The following EIF5 variants were observed in gnomAD, a reference collection of about 807,000 sequenced individuals.
EIF5 encodes eukaryotic translation initiation factor 5.
In EIF5, 10 loss-of-function variants were observed where a neutral mutation model predicts 48.3. The observed-to-expected ratio is 0.21, with a 90% CI of 0.13 to 0.35. EIF5 has a LOEUF of 0.35. EIF5 is among the 10% of genes least tolerant of loss of function. The pLI is 1.00. For missense variants in EIF5, 397 were observed against 533.2 expected, an observed-to-expected ratio of 0.74 and a Z score of 2.51; for synonymous variants, 237 against 173.1, an observed-to-expected ratio of 1.37 and a Z score of -2.90.
rs890761976 is a variant in EIF5, at chr14:103,343,602, A to T, written c.*2550A>T. ...TCTAATCCACCGCTTCCCGCTTGAG[A>T]AGGGAGGGGTATCAAAATTGAGCCC... On this transcript the variant is annotated 3_prime_UTR_variant, in exon 12 of 12. Transcript: ENST00000216554. 1 of 152,194 alleles carries T rather than the reference A, an allele frequency of 6.6e-6. No homozygotes were observed. Among genetic ancestry groups the T allele is most frequent in the African/African-American group, 2.4e-5 (1 of 41,444 alleles). The allele number at this position is 152,194 out of a possible 1,614,324, so 9.4% of individuals were successfully genotyped here.
At chr14:103,338,551 T>C in intron 7 of EIF5, 79 bp downstream of exon 7, 2 of 1,509,314 alleles carry the variant, frequency 1.3e-6, no homozygotes, top group South Asian at 1.3e-5. Context: ...GGTGGAAATG[T>C]TGAAACTAGC....
At chr14:103,339,566 C>CT (rs1471872564) in intron 9 of EIF5, 73 bp from the exon 10 acceptor site, 2 of 1,601,450 alleles carry the variant, frequency 1.2e-6, no homozygotes, top group African/African-American at 2.7e-5. Context: ...TGCAGACACT[C>CT]TTATTTGGGT....
intron 5 of EIF5, 39 bp from the exon 6 acceptor site, chr14:103,337,077 A>G (rs753330631): frequency 2.7e-5 from 43 of 1,564,690 alleles, no homozygotes; most frequent in Non-Finnish European, 3.6e-5. Flanking sequence ...AGATATTTTC[A>G]TGTTATATTA....
In EIF5 at chr14:103,342,089, C is replaced by T. The variant is rs2089359767; in HGVS notation, c.*1037C>T. Reference sequence around the variant, plus strand: ...ATGCTTTTTAGATTTTGGTTGCTTTCTTGCCAAAATAAGTGTTAACTGTGT... The same window carrying T: ...ATGCTTTTTAGATTTTGGTTGCTTTTTTGCCAAAATAAGTGTTAACTGTGT... On this transcript the variant is annotated 3_prime_UTR_variant, in exon 12 of 12. Coordinates refer to ENST00000216554, the MANE Select transcript of EIF5 (RefSeq NM_001969.5). The T allele has an allele frequency of 6.6e-6, 1 of 152,280 alleles. No individual in the cohort carries two copies. Among genetic ancestry groups the T allele is most frequent in the Non-Finnish European group, 1.5e-5 (1 of 67,960 alleles). 9.4% of individuals were successfully genotyped at this position (152,280 alleles called of 1,614,324 possible).
At chr14:103,336,648 C>G (rs771156199) in intron 4 of EIF5, 29 bp from the exon 5 acceptor site, 1 of 1,573,744 alleles carries the variant, frequency 6.4e-7, no homozygotes, top group Non-Finnish European at 8.6e-7. Flanking sequence ...TTAACTGTAA[C>G]GATCCAAACT....
Position 103,341,025 on chromosome 14 carries a change from TGAC to T in EIF5, c.1273_1275del (p.Asp425del). 6.2e-7 allele frequency: 1 copy of T among 1,614,146 alleles called. No individual in the cohort carries two copies. The highest frequency in any genetic ancestry group is 8.5e-7 in the Non-Finnish European group (1 of 1,179,974). On this transcript the variant is annotated inframe_deletion, in exon 12 of 12. Transcript: ENST00000216554. The stretch of plus-strand genomic sequence containing the variant: ...AGACTGTAAAGTCAGACAACAAGGA[TGAC>T]GACATCGATATTGATGCCATTTAAA...
In EIF5 at chr14:103,341,987, T is replaced by C. The variant is rs965176241; in HGVS notation, c.*935T>C. ...TCCAAAATGTTAGACATACTGTATT[T>C]TTTCGTTCAGTGTGGCTTTAATTTT... On this transcript the variant is annotated 3_prime_UTR_variant, in exon 12 of 12. Coordinates refer to ENST00000216554, the MANE Select transcript of EIF5 (RefSeq NM_001969.5). 5.2e-5 allele frequency: 8 copies of C among 152,676 alleles called. No homozygotes were observed. The highest frequency in any genetic ancestry group is 1.0e-4 in the Non-Finnish European group (7 of 68,048). 9.5% of individuals were successfully genotyped at this position (152,676 alleles called of 1,614,324 possible). A position where few individuals can be genotyped will look rare whatever the true frequency, so the allele number is the denominator to read the frequency against.
In EIF5 at chr14:103,339,217, G is replaced by A. The variant is rs779199623; in HGVS notation, c.790G>A (p.Val264Ile). The A allele has an allele frequency of 3.2e-5, 51 of 1,609,982 alleles. No individual in the cohort carries two copies. Among genetic ancestry groups the A allele is most frequent in the Non-Finnish European group, 3.6e-5 (42 of 1,179,092 alleles). The change falls in exon 9 of 12, where the codon GTT (valine) becomes ATT (isoleucine). Residue 264 changes from valine (V) to isoleucine (I), a missense_variant. Coordinates refer to ENST00000216554, the MANE Select transcript of EIF5 (RefSeq NM_001969.5). ...TATTGATTCATCTGACAAAGAAATC[G>A]TTGCTGAAGCAGAAAGACTGGATGT... ...GVIDSSDKEI[V>I]AEAERLDVKA...
At position 103,335,821 on chromosome 14, in the gene EIF5, G is replaced by C. The variant is rs150612977; in HGVS notation, c.-40G>C. ...AAGATACCAAAAAGTTGCAATCAAA[G>C]ATCTCTTCATCTTATTGATAAAGCC... On this transcript the variant is annotated 5_prime_UTR_variant, in exon 3 of 12. Coordinates refer to ENST00000216554, the MANE Select transcript of EIF5 (RefSeq NM_001969.5). 1.9e-6 allele frequency: 3 copies of C among 1,593,460 alleles called. No homozygotes were observed. The highest frequency in any genetic ancestry group is 2.6e-6 in the Non-Finnish European group (3 of 1,164,190).
Position 103,341,035 on chromosome 14 carries a change from G to A in EIF5, c.1279G>A (p.Asp427Asn), listed in dbSNP as rs993369094. 1.1e-5 allele frequency: 18 copies of A among 1,613,934 alleles called. No homozygotes were observed. The highest frequency in any genetic ancestry group is 1.4e-5 in the Non-Finnish European group (16 of 1,179,950). The change falls in exon 12 of 12, where the codon GAT becomes AAT. Residue 427 changes from aspartate to asparagine, a missense_variant. Asp to Asn is a conservative substitution (Grantham distance 23). Around this residue, in one of 4 missense-constraint regions of EIF5, gnomAD observed 160 missense variants for 184.8 expected, o/e 0.87. Transcript: ENST00000216554. ...VKSDNKDDDIDIDAI is the reference protein window; with the variant it reads ...VKSDNKDDDINIDAI ...GTCAGACAACAAGGATGACGACATCGATATTGATGCCATTTAAAGGGATGG... is the reference window on the plus strand; with the variant it reads ...GTCAGACAACAAGGATGACGACATCAATATTGATGCCATTTAAAGGGATGG...
In EIF5 at chr14:103,336,021, T is replaced by C. The variant is rs755491996; in HGVS notation, c.73-15T>C. On this transcript the variant is annotated splice_polypyrimidine_tract_variant and intron_variant, in intron 3 of 11. Coordinates refer to ENST00000216554, the MANE Select transcript of EIF5 (RefSeq NM_001969.5). ...TCAGGGGAAACTGCACAACTAAAAT[T>C]CTTATTTCCTTTAGGTTGAGGGCAA... 3 of 1,614,034 alleles carry C rather than the reference T, an allele frequency of 1.9e-6. No individual in the cohort carries two copies. The highest frequency in any genetic ancestry group is 3.3e-5 in the Admixed American group (2 of 59,988).
At position 103,341,988 on chromosome 14, in the gene EIF5, T is replaced by A. The variant is rs974826526; in HGVS notation, c.*936T>A. The A allele has an allele frequency of 6.6e-6, 1 of 152,658 alleles. No individual in the cohort carries two copies. The highest frequency in any genetic ancestry group is 1.5e-5 in the Non-Finnish European group (1 of 68,036). 9.5% of individuals were successfully genotyped at this position (152,658 alleles called of 1,614,324 possible). A position where few individuals can be genotyped will look rare whatever the true frequency, so the allele number is the denominator to read the frequency against. ...CCAAAATGTTAGACATACTGTATTT[T>A]TTCGTTCAGTGTGGCTTTAATTTTC... On this transcript the variant is annotated 3_prime_UTR_variant, in exon 12 of 12. Transcript: ENST00000216554.
intron 8 of EIF5, 121 bp from the exon 9 acceptor site, chr14:103,339,051 A>C: frequency 6.8e-7 from 1 of 1,470,796 alleles, no homozygotes; most frequent in East Asian, 2.3e-5. Flanking sequence ...TCCAGGCACT[A>C]TGTGTCACAA....
chr14:103,338,196 C>T lies in EIF5; in HGVS notation c.440-131C>T, dbSNP rs2089312187. ...TTGATCTGTGAAGCCTCTTAGGTAG[C>T]ATTGTGTGTGCTGTGTGGTTTTTCT... On this transcript the variant is annotated intron_variant, in intron 6 of 11. Transcript: ENST00000216554. The T allele has an allele frequency of 2.4e-6, 3 of 1,246,760 alleles. No homozygotes were observed. In the East Asian group the frequency reaches 7.0e-5, roughly 29 times the overall value. The allele number at this position is 1,246,760 out of a possible 1,614,324, so 77.2% of individuals were successfully genotyped here.
rs1480636875 is a variant in EIF5, at chr14:103,338,408, C to T, written c.521C>T (p.Ser174Phe). Residue 174 changes from serine (S) to phenylalanine (F), a missense_variant, in exon 7 of 12, where the codon TCC (serine) becomes TTC (phenylalanine). Coordinates refer to ENST00000216554, the MANE Select transcript of EIF5 (RefSeq NM_001969.5). ...AAAGACAAGGAAAATGGCTCCGTAT[C>T]CAGCAGTGAGACACCACCACCACCA... ...KGKDKENGSV[S>F]SSETPPPPPP... The T allele has an allele frequency of 2.5e-6, 4 of 1,606,900 alleles. No homozygotes were observed. The highest frequency in any genetic ancestry group is 1.7e-5 in the Admixed American group (1 of 58,982).
intron 4 of EIF5, 41 bp downstream of exon 4, chr14:103,336,158 TAG>T (rs763749677): frequency 4.4e-6 from 7 of 1,586,906 alleles, no homozygotes; most frequent in South Asian, 2.3e-5. Flanking sequence ...ATATTATGGA[TAG>T]AGTCTTCAAA....
Position 103,342,926 on chromosome 14 carries a change from T to C in EIF5, c.*1874T>C, listed in dbSNP as rs2089370744. 6 of 152,664 alleles carry C rather than the reference T, an allele frequency of 3.9e-5. No homozygotes were observed. The highest frequency in any genetic ancestry group is 3.3e-4 in the Admixed American group (5 of 15,278). 9.5% of individuals were successfully genotyped at this position (152,664 alleles called of 1,614,324 possible). A position where few individuals can be genotyped will look rare whatever the true frequency, so the allele number is the denominator to read the frequency against. ...ATACTCAGTGTCAAGCTAATGAGGT[T>C]CTATTATAAAGGTTCTACTTTTAAT... On this transcript the variant is annotated 3_prime_UTR_variant, in exon 12 of 12. Transcript: ENST00000216554.
intron 6 of EIF5, chr14:103,337,458 T>C: frequency 2.0e-6 from 1 of 504,776 alleles, no homozygotes; most frequent in Non-Finnish European, 3.5e-6. Flanking sequence ...AAAAACTAGC[T>C]TAGCATGGTG....
intron 7 of EIF5, 95 bp downstream of exon 7, chr14:103,338,567 G>T (rs1249588372): frequency 1.3e-6 from 2 of 1,501,400 alleles, no homozygotes. Context: ...CTAGCCTTCA[G>T]TGTGTAATAC....
Sources: allele counts gnomAD v4.1 joint callset, GRCh38; gene constraint gnomAD v4.1.1; regional missense constraint gnomAD v4.1.1; transcripts MANE v1.5; gene names NCBI Gene and HGNC (gene_info 2026-07-23, HGNC 2026-07-21).